KALRN: variants seen among roughly 807,000 people sequenced by gnomAD.
The protein encoded by KALRN is kalirin.
A neutral mutation model predicts 353.7 loss-of-function variants in KALRN; 70 were observed. The observed-to-expected ratio is 0.20, with a 90% CI of 0.16 to 0.24. The LOEUF is 0.24. KALRN is among the 10% of genes least tolerant of loss of function. The pLI is 1.00. For synonymous variants in KALRN, 1,391 were observed against 1,434.8 expected, an observed-to-expected ratio of 0.97 and a Z score of 0.69; for missense variants, 2,791 against 3,756.7, an observed-to-expected ratio of 0.74 and a Z score of 6.72.
chr3:124,293,200 A>C (rs1183791865), intron 5 of KALRN, among the ~76,000 whole-genome samples: 1 of 152,220 alleles, frequency 6.6e-6, no homozygotes, highest in Non-Finnish European at 1.5e-5. Flanking sequence ...TTAGGCAAAG[A>C]AAAGCCATTG....
intron 11 of KALRN, among the ~76,000 whole-genome samples, chr3:124,386,727 A>AAAT (rs1002571306): frequency 1.3e-5 from 2 of 152,172 alleles, no homozygotes; most frequent in Non-Finnish European, 2.9e-5. Context: ...TAGTGATAAT[A>AAAT]AATAATAATA....
At chr3:124,227,671 T>A (rs886431582) in intron 1 of KALRN, among the ~76,000 whole-genome samples, 2 of 20,444 alleles carry the variant, frequency 9.8e-5, no homozygotes, top group Non-Finnish European at 2.1e-4. Context: ...CTGTTTTTTT[T>A]TTTTTTTTTT....
chr3:124,559,167 CTG>C (rs1022300670), intron 33 of KALRN, among the ~76,000 whole-genome samples: 136 of 152,342 alleles, frequency 8.9e-4, no homozygotes, highest in African/African-American at 3.1e-3. Context: ...ACAGCTATCA[CTG>C]TGGAGCTGGA....
At chr3:124,434,636 T>A in intron 17 of KALRN, 111 bp downstream of exon 17, 1 of 881,940 alleles carries the variant, frequency 1.1e-6, no homozygotes, top group African/African-American at 1.7e-5. Context: ...GTCCTTTCAG[T>A]ACTAACATTT....
rs375425845 is a variant in KALRN, at chr3:124,495,969, A to G, written c.4833-342A>G. Among the ~76,000 whole-genome samples, 157 of 17,710 alleles carry G rather than the reference A, an allele frequency of 8.9e-3. 5 individuals carry two copies. Among genetic ancestry groups the G allele is most frequent in the Middle Eastern group, 0.034 (2 of 58 alleles). The allele number at this position is 17,710 out of a possible 152,430, so 11.6% of individuals were successfully genotyped here. On this transcript the variant is annotated intron_variant, in intron 32 of 59. Coordinates refer to ENST00000682506, the MANE Select transcript of KALRN (RefSeq NM_001388419.1). ...AGTGTGTGTATGTGTATGTATGTAT[A>G]TATATATATATATATATATATATAT... is the stretch of plus-strand genomic sequence containing the variant.
intron 14 of KALRN, among the ~76,000 whole-genome samples, chr3:124,420,898 G>A (rs2092749592): frequency 6.6e-6 from 1 of 152,114 alleles, no homozygotes; most frequent in African/African-American, 2.4e-5. Context: ...AGAGTGAGGG[G>A]GAAATCTCCC....
chr3:124,342,187 T>C (rs1241156232), intron 9 of KALRN, among the ~76,000 whole-genome samples: 2 of 152,282 alleles, frequency 1.3e-5, no homozygotes, highest in South Asian at 2.1e-4. Flanking sequence ...TTTGTATAAA[T>C]ATACGGAGTC....
chr3:124,296,409 G>A (rs931622888), intron 5 of KALRN, among the ~76,000 whole-genome samples: 2 of 152,094 alleles, frequency 1.3e-5, no homozygotes, highest in African/African-American at 4.8e-5. Context: ...AAACAACTAA[G>A]TCCCCAATCC....
chr3:124,580,468 C>G (rs1338482146), intron 34 of KALRN, among the ~76,000 whole-genome samples: 1 of 152,198 alleles, frequency 6.6e-6, no homozygotes, highest in East Asian at 1.9e-4. Flanking sequence ...TGCTTCCCTC[C>G]TGATTCTTAT....
intron 15 of KALRN, among the ~76,000 whole-genome samples, chr3:124,428,019 T>A (rs547278726): frequency 2.0e-5 from 3 of 152,322 alleles, no homozygotes; most frequent in African/African-American, 7.2e-5. Context: ...TAAATGATGT[T>A]TGCAATGTCA....
chr3:124,414,475 A>G (rs2092385572), intron 14 of KALRN, among the ~76,000 whole-genome samples: 1 of 152,224 alleles, frequency 6.6e-6, no homozygotes. Flanking sequence ...GTGATGATAA[A>G]AATTTATGAC....
At chr3:124,342,086 A>T (rs1050632242) in intron 9 of KALRN, among the ~76,000 whole-genome samples, 2 of 152,136 alleles carry the variant, frequency 1.3e-5, no homozygotes, top group African/African-American at 4.8e-5. Flanking sequence ...CTCAAAAATT[A>T]TACCCTGGTG....
At chr3:124,169,992 A>G (rs1333706648) in intron 1 of KALRN, among the ~76,000 whole-genome samples, 2 of 152,214 alleles carry the variant, frequency 1.3e-5, no homozygotes, top group African/African-American at 4.8e-5. Context: ...TCTAAGGTGG[A>G]GAAGAGGGCT....
chr3:124,398,717 A>G lies in KALRN; in HGVS notation c.2192A>G (p.Asn731Ser). 2 of 1,614,116 alleles carry G rather than the reference A, an allele frequency of 1.2e-6. No individual in the cohort carries two copies. The highest frequency in any genetic ancestry group is 8.5e-7 in the Non-Finnish European group (1 of 1,180,008). Residue 731 changes from asparagine (N) to serine (S), a missense_variant, in exon 13 of 60, where the codon AAC becomes AGC. Asn to Ser is a conservative substitution (Grantham distance 46, BLOSUM62 1). Transcript: ENST00000682506. ...CACAGGGACTCGGCTGTGTCCAACA[A>G]CAAAACACCCCACAGCAGCTCCATC... Reference protein sequence around the residue: ...SEARDSAVSNNKTPHSSSISH... With the variant: ...SEARDSAVSNSKTPHSSSISH...
chr3:124,639,754 T>C (rs1313756353), intron 37 of KALRN, among the ~76,000 whole-genome samples: 3 of 152,204 alleles, frequency 2.0e-5, no homozygotes, highest in Non-Finnish European at 4.4e-5. Context: ...GAGTGTGCCA[T>C]AATGAAGGAT....
intron 27 of KALRN, among the ~76,000 whole-genome samples, chr3:124,478,549 G>T (rs1018033863): frequency 9.2e-5 from 14 of 152,120 alleles, no homozygotes; most frequent in African/African-American, 3.4e-4. Context: ...CATTAATATG[G>T]AAATGGCTCT....
chr3:124,597,798 CTT>C (rs78201045), intron 34 of KALRN, among the ~76,000 whole-genome samples: 37,070 of 151,882 alleles, frequency 0.24, 4,678 homozygotes, highest in East Asian at 0.33. Context: ...TAAAAAAAAA[CTT>C]TTGGAGCTAC....
chr3:124,316,011 T>G (rs1330247191), intron 6 of KALRN, among the ~76,000 whole-genome samples: 1 of 152,034 alleles, frequency 6.6e-6, no homozygotes, highest in Admixed American at 6.5e-5. Flanking sequence ...GTCAGGAAAC[T>G]GAAGAGGTGT....
chr3:124,050,608 A>G (rs1389381342), intron 1 of KALRN, among the ~76,000 whole-genome samples: 1 of 152,158 alleles, frequency 6.6e-6, no homozygotes, highest in African/African-American at 2.4e-5. Flanking sequence ...GGGAGTATAT[A>G]TAGTGGAGCC....
Sources: allele counts gnomAD v4.1 joint callset (sites outside exome capture counted in the v4.1 genomes callset), GRCh38; gene constraint gnomAD v4.1.1; transcripts MANE v1.5; gene names NCBI Gene and HGNC (gene_info 2026-07-23, HGNC 2026-07-21).